The following MYO18B variants were observed in gnomAD, a reference collection of about 807,000 sequenced individuals.
MYO18B encodes unconventional myosin-XVIIIb.
MYO18B carries 204 observed loss-of-function variants against 273.0 expected under a neutral mutation model. That is an observed-to-expected ratio of 0.75 (90% CI 0.67 to 0.84). MYO18B has a LOEUF of 0.84. MYO18B is among the 40% of genes least tolerant of loss of function. The pLI is 0.00. For synonymous variants in MYO18B, 1,330 were observed against 1,305.7 expected (o/e 1.02, Z -0.40); for missense variants, 3,212 against 3,287.6 (o/e 0.98, Z 0.56).
chr22:25,868,431 A>T, intron 22 of MYO18B, 46 bp downstream of exon 22: 1 of 1,479,394 alleles, frequency 6.8e-7, no homozygotes, highest in Non-Finnish European at 9.3e-7. Flanking sequence ...CACATCAGGG[A>T]CCCAGAGATG....
At chr22:25,824,714 C>T (rs1268488863) in intron 13 of MYO18B, among the ~76,000 whole-genome samples, 1 of 152,150 alleles carries the variant, frequency 6.6e-6, no homozygotes, top group East Asian at 1.9e-4. Flanking sequence ...CCCTCTATGT[C>T]TCCTTTCAGG....
At chr22:26,023,092 C>A (rs576380473) in intron 42 of MYO18B, among the ~76,000 whole-genome samples, 2 of 152,220 alleles carry the variant, frequency 1.3e-5, no homozygotes, top group Non-Finnish European at 2.9e-5. Flanking sequence ...CTCCTTCTTG[C>A]GTTTGCCTAA....
intron 11 of MYO18B, among the ~76,000 whole-genome samples, chr22:25,789,313 A>G (rs2087549053): frequency 7.9e-6 from 1 of 126,910 alleles, no homozygotes; most frequent in Non-Finnish European, 1.6e-5. Context: ...CATATTTTTA[A>G]TGAAGCATCT....
chr22:25,948,756 G>T (rs956146710), intron 36 of MYO18B, among the ~76,000 whole-genome samples: 1 of 151,848 alleles, frequency 6.6e-6, no homozygotes, highest in Admixed American at 6.6e-5. Flanking sequence ...TTATCATATG[G>T]TCACCCAGAG....
At chr22:25,848,572 G>A (rs1179625711) in intron 20 of MYO18B, among the ~76,000 whole-genome samples, 2 of 152,206 alleles carry the variant, frequency 1.3e-5, no homozygotes, top group African/African-American at 4.8e-5. Context: ...AGGTCCACCT[G>A]GGGAGATGAT....
At chr22:25,911,536 C>T (rs1020446916) in intron 33 of MYO18B, among the ~76,000 whole-genome samples, 6 of 152,210 alleles carry the variant, frequency 3.9e-5, no homozygotes, top group African/African-American at 1.4e-4. Context: ...GTGGCTATCA[C>T]TGTACACCAG....
the MYO18B span, among the ~76,000 whole-genome samples, chr22:26,061,661 A>G: frequency 2.7e-5 from 4 of 149,948 alleles, no homozygotes; most frequent in African/African-American, 9.8e-5. Flanking sequence ...AAGAAAGGTC[A>G]TCTACCACCG....
At chr22:26,055,101 C>T in the MYO18B span, among the ~76,000 whole-genome samples, 4 of 152,080 alleles carry the variant, frequency 2.6e-5, no homozygotes, top group Non-Finnish European at 5.9e-5. Flanking sequence ...ACACTGAGAG[C>T]TTTTGTTTAT....
intron 34 of MYO18B, among the ~76,000 whole-genome samples, chr22:25,936,435 A>G (rs1249632382): frequency 6.6e-6 from 1 of 152,184 alleles, no homozygotes; most frequent in African/African-American, 2.4e-5. Flanking sequence ...AACATATTCC[A>G]CAGGACTTAC....
chr22:25,892,586 G>T (rs557380148), intron 27 of MYO18B: 1 of 152,208 alleles, frequency 6.6e-6, no homozygotes, highest in Admixed American at 6.5e-5. Context: ...TATTCCCTCC[G>T]TGTGTCCAGA....
Position 25,947,738 on chromosome 22 carries a change from G to A in MYO18B, c.5658G>A (p.Gln1886=), listed in dbSNP as rs1335387899. The A allele has an allele frequency of 1.9e-6, 3 of 1,613,696 alleles. No individual in the cohort carries two copies. The Admixed American group carries it at 5.0e-5, about 27-fold the overall frequency. ...TGGATGAGCAGCTGTACAGGCTGCA[G>A]TTTGAGAAGGCGGACCTCCTGAAGC... is the stretch of plus-strand genomic sequence containing the variant. ...SLVDEQLYRL[Q]FEKADLLKRI... Residue 1886 remains glutamine, a synonymous_variant, in exon 36 of 44, where the codon CAG becomes CAA. Coordinates refer to ENST00000335473, the MANE Select transcript of MYO18B (RefSeq NM_032608.7).
At chr22:25,763,509 T>C in intron 3 of MYO18B, 120 bp downstream of exon 3, 1 of 1,199,546 alleles carries the variant, frequency 8.3e-7, no homozygotes, top group Non-Finnish European at 1.2e-6. Context: ...TTTTGAGGAA[T>C]GTCCTTTATT....
the MYO18B span, among the ~76,000 whole-genome samples, chr22:26,040,457 C>T: frequency 6.6e-6 from 1 of 152,112 alleles, no homozygotes. Context: ...CTGCAATTTA[C>T]ATGATAGTTG....
At chr22:25,861,015 C>A (rs548608632) in intron 21 of MYO18B, among the ~76,000 whole-genome samples, 1 of 152,046 alleles carries the variant, frequency 6.6e-6, no homozygotes, top group African/African-American at 2.4e-5. Flanking sequence ...CAGCCCCCTG[C>A]GTTGCTCAGA....
At chr22:25,846,508 G>A (rs2090251927) in intron 19 of MYO18B, among the ~76,000 whole-genome samples, 2 of 152,238 alleles carry the variant, frequency 1.3e-5, no homozygotes, top group South Asian at 2.1e-4. Context: ...TGAGGCCTAA[G>A]CCTGTGCTGC....
At chr22:25,891,210 G>A (rs2091652743) in intron 26 of MYO18B, 94 bp from the exon 27 acceptor site, 2 of 926,830 alleles carry the variant, frequency 2.2e-6, no homozygotes, top group Non-Finnish European at 3.4e-6. Context: ...TGCAGAGGGT[G>A]GCCAATCCGA....
chr22:25,957,308 C>T lies in MYO18B; in HGVS notation c.6156+1944C>T, dbSNP rs987029264. Among the ~76,000 whole-genome samples, 12 of 152,298 alleles carry T rather than the reference C, an allele frequency of 7.9e-5. No individual in the cohort carries two copies. In the East Asian group the frequency reaches 2.3e-3, roughly 29 times the overall value. ...CTTTTCTCTCTTTCCTCTCCCTGTC[C>T]CCATTCCTGGGGCCATATTCTGATC... On this transcript the variant is annotated intron_variant, in intron 39 of 43. Coordinates refer to ENST00000335473, the MANE Select transcript of MYO18B (RefSeq NM_032608.7).
intron 37 of MYO18B, among the ~76,000 whole-genome samples, chr22:25,951,407 A>G (rs2092791370): frequency 6.6e-6 from 1 of 152,204 alleles, no homozygotes. Context: ...AGACAGACAC[A>G]TGCACACACA....
chr22:25,832,883 A>C (rs371961613), intron 15 of MYO18B, 34 bp from the exon 16 acceptor site: 7 of 1,593,718 alleles, frequency 4.4e-6, no homozygotes, highest in Non-Finnish European at 1.7e-6. Flanking sequence ...CAGCTCGCTA[A>C]AAGTGCTAAC....
Sources: allele counts gnomAD v4.1 joint callset (sites outside exome capture counted in the v4.1 genomes callset), GRCh38; gene constraint gnomAD v4.1.1; transcripts MANE v1.5; gene names NCBI Gene and HGNC (gene_info 2026-07-23, HGNC 2026-07-21).